The following LRP1B variants were observed in gnomAD, a reference collection of about 807,000 sequenced individuals.
LRP1B encodes the protein LDL receptor related protein 1B, also known as low-density lipoprotein receptor-related protein 1B.
A neutral mutation model predicts 556.6 loss-of-function variants in LRP1B; 217 were observed. The ratio of observed to expected loss-of-function variants is 0.39; its 90% CI spans 0.35 to 0.44. The LOEUF is 0.44. Among genes scored for constraint, LRP1B ranks in the 20% least tolerant of loss-of-function variants. LRP1B has a pLI of 1.00. For missense variants in LRP1B, 5,053 were observed against 5,620.8 expected (o/e 0.90, Z 3.23); for synonymous variants, 2,047 against 1,865.8 (o/e 1.10, Z -2.50).
intron 2 of LRP1B, among the ~76,000 whole-genome samples, chr2:141,491,042 G>T (rs574550153): frequency 6.6e-6 from 1 of 150,618 alleles, no homozygotes; most frequent in Admixed American, 6.6e-5. Flanking sequence ...GGATTCTTAT[G>T]AAAACAATGA....
intron 3 of LRP1B, among the ~76,000 whole-genome samples, chr2:141,431,395 G>A (rs796247956): frequency 1.3e-4 from 20 of 152,178 alleles, no homozygotes; most frequent in African/African-American, 4.8e-4. Flanking sequence ...CAAGGAAATG[G>A]GATCTCAATC....
intron 35 of LRP1B, among the ~76,000 whole-genome samples, chr2:140,755,850 AAAG>A (rs1688726380): frequency 6.6e-6 from 1 of 152,030 alleles, no homozygotes; most frequent in African/African-American, 2.4e-5. Flanking sequence ...ATTAGGCAAA[AAAG>A]AAGTAGAAGG....
chr2:141,985,513 T>C (rs1470203854), intron 1 of LRP1B, among the ~76,000 whole-genome samples: 1 of 144,950 alleles, frequency 6.9e-6, no homozygotes, highest in Non-Finnish European at 1.6e-5. Context: ...ATTTTTATTT[T>C]TTTGGGGGGG....
At chr2:141,284,958 A>C (rs182334101) in intron 3 of LRP1B, among the ~76,000 whole-genome samples, 1 of 152,344 alleles carries the variant, frequency 6.6e-6, no homozygotes, top group East Asian at 1.9e-4. Context: ...TTTCCAAAAA[A>C]ATTTAAAACC....
chr2:141,761,344 T>C (rs1694539188), intron 2 of LRP1B, among the ~76,000 whole-genome samples: 1 of 110,868 alleles, frequency 9.0e-6, no homozygotes, highest in Non-Finnish European at 1.9e-5. Context: ...GAATTTTCCC[T>C]CAGCAATCCT....
At position 141,133,764 on chromosome 2, in the gene LRP1B, T is replaced by G. The variant is rs535339317; in HGVS notation, c.1013+54657A>C. Among the ~76,000 whole-genome samples the G allele has an allele frequency of 7.9e-5, 12 of 152,140 alleles. 1 individual carries two copies. The East Asian group carries it at 2.3e-3, about 29-fold the overall frequency. On this transcript the variant is annotated intron_variant, in intron 7 of 90. Coordinates refer to ENST00000389484, the MANE Select transcript of LRP1B (RefSeq NM_018557.3). ...GCAACATTTTTATATGTATGTTGCA[T>G]TAGTGGTTAAAGAATGGATAGATGA...
intron 1 of LRP1B, among the ~76,000 whole-genome samples, chr2:141,858,539 C>T (rs115251838): frequency 0.011 from 1,676 of 152,150 alleles, 36 homozygotes; most frequent in African/African-American, 0.038. Flanking sequence ...ATGCAGCTAA[C>T]GACATAGACT....
At chr2:141,420,538 G>A (rs1296395217) in intron 3 of LRP1B, among the ~76,000 whole-genome samples, 1 of 152,258 alleles carries the variant, frequency 6.6e-6, no homozygotes, top group Non-Finnish European at 1.5e-5. Flanking sequence ...GTCAGTCTGT[G>A]TCAGCAAGCC....
intron 2 of LRP1B, among the ~76,000 whole-genome samples, chr2:141,749,631 AG>A (rs1460756784): frequency 3.3e-5 from 5 of 152,282 alleles, no homozygotes; most frequent in African/African-American, 1.2e-4. Flanking sequence ...GTGTCTACAC[AG>A]GGCAATTTTA....
At chr2:142,082,936 A>T (rs1319973537) in intron 1 of LRP1B, among the ~76,000 whole-genome samples, 1 of 152,122 alleles carries the variant, frequency 6.6e-6, no homozygotes, top group Non-Finnish European at 1.5e-5. Flanking sequence ...CTTCCCCACG[A>T]TTGTTATCTC....
chr2:140,248,922 C>T (rs943466968), intron 86 of LRP1B, among the ~76,000 whole-genome samples: 1 of 148,186 alleles, frequency 6.7e-6, no homozygotes, highest in Non-Finnish European at 1.5e-5. Context: ...AAAAACTAAT[C>T]CTGACTGCTT....
intron 3 of LRP1B, among the ~76,000 whole-genome samples, chr2:141,475,382 T>C (rs1447566964): frequency 1.3e-5 from 2 of 151,974 alleles, no homozygotes; most frequent in African/African-American, 4.8e-5. Context: ...ATAAATAACT[T>C]ACCACTTGGC....
At chr2:141,112,041 G>T (rs1369559845) in intron 7 of LRP1B, among the ~76,000 whole-genome samples, 1 of 122,686 alleles carries the variant, frequency 8.2e-6, no homozygotes, top group African/African-American at 3.2e-5. Flanking sequence ...GTGAGACCCT[G>T]CCTCAAAAAT....
intron 66 of LRP1B, among the ~76,000 whole-genome samples, chr2:140,419,160 C>T (rs1294098062): frequency 2.0e-5 from 3 of 152,064 alleles, no homozygotes; most frequent in African/African-American, 7.2e-5. Context: ...CCTGGAGAGG[C>T]CACAATCATA....
chr2:141,049,191 C>T lies in LRP1B; in HGVS notation c.1584G>A (p.Gly528=), dbSNP rs201982002. 2 of 1,613,084 alleles carry T rather than the reference C, an allele frequency of 1.2e-6. No homozygotes were observed. Among genetic ancestry groups the T allele is most frequent in the Admixed American group, 3.3e-5 (2 of 59,900 alleles). ...CTCTAACAATTCCTGGGCGTCCTTT[C>T]CCATAAAAGAGGAACAACTCATTCT... ...RPKNELFLFY[G]KGRPGIVRGM... is the part of the protein sequence containing the mutation. The change falls in exon 11 of 91, where the codon GGG becomes GGA. Residue 528 remains glycine, a synonymous_variant. Transcript: ENST00000389484.
At position 141,578,667 on chromosome 2, in the gene LRP1B, C is replaced by T. The variant is rs74604052; in HGVS notation, c.206-98134G>A. Among the ~76,000 whole-genome samples the T allele has an allele frequency of 3.6e-3, 542 of 152,252 alleles. 3 individuals carry two copies. Among genetic ancestry groups the T allele is most frequent in the African/African-American group, 0.013 (527 of 41,560 alleles). Reference sequence around the variant, plus strand: ...CAAAACTAAAATATTTCATTTTGAACTCAAATTCATTTACTTCAATGCCCT... The same window carrying T: ...CAAAACTAAAATATTTCATTTTGAATTCAAATTCATTTACTTCAATGCCCT... On this transcript the variant is annotated intron_variant, in intron 2 of 90. Coordinates refer to ENST00000389484, the MANE Select transcript of LRP1B (RefSeq NM_018557.3).
In LRP1B at chr2:141,217,069, A is replaced by G. The variant is rs543993678; in HGVS notation, c.850+12114T>C. Among the ~76,000 whole-genome samples the G allele has an allele frequency of 1.7e-3, 256 of 152,294 alleles. 2 individuals carry two copies. The highest frequency in any genetic ancestry group is 2.9e-3 in the Non-Finnish European group (195 of 68,018). On this transcript the variant is annotated intron_variant, in intron 6 of 90. Coordinates refer to ENST00000389484, the MANE Select transcript of LRP1B (RefSeq NM_018557.3). ...AGAAGAACGTGAGATTTGAGAGACCAGGAGAGGAATGATGTAGTTCAAATA... is the reference window on the plus strand; with the variant it reads ...AGAAGAACGTGAGATTTGAGAGACCGGGAGAGGAATGATGTAGTTCAAATA...
intron 7 of LRP1B, among the ~76,000 whole-genome samples, chr2:141,099,229 G>GA (rs138863177): frequency 6.6e-6 from 1 of 152,012 alleles, no homozygotes; most frequent in East Asian, 1.9e-4. Context: ...TTCTCTGCCT[G>GA]AAAAAAACTC....
intron 3 of LRP1B, among the ~76,000 whole-genome samples, chr2:141,400,992 A>G (rs1224277723): frequency 2.0e-5 from 3 of 152,150 alleles, no homozygotes; most frequent in Non-Finnish European, 4.4e-5. Flanking sequence ...TTATTTCTGT[A>G]ACTTTGTTCA....
Sources: gnomAD v4.1 joint callset for allele counts (sites outside exome capture counted in the v4.1 genomes callset) on GRCh38, gnomAD v4.1.1 for gene constraint, MANE v1.5 for transcripts, NCBI Gene and HGNC (gene_info 2026-07-23, HGNC 2026-07-21) for gene names.